The following DOCK1 variants were observed in gnomAD, a reference collection of about 807,000 sequenced individuals.
DOCK1 encodes dedicator of cytokinesis protein 1.
Under a neutral mutation model 262.7 loss-of-function variants are expected in DOCK1, and 138 were observed. The ratio of observed to expected loss-of-function variants is 0.53; its 90% CI spans 0.46 to 0.61. The LOEUF (loss-of-function observed/expected upper bound fraction) is 0.61, where lower values mean the gene tolerates loss of function less well. DOCK1 is among the 20% of genes least tolerant of loss of function. DOCK1 has a pLI of 0.00. For missense variants in DOCK1, 1,908 were observed against 2,370.7 expected (o/e 0.80, Z 4.05); for synonymous variants, 866 against 867.4 (o/e 1.00, Z 0.03).
intron 27 of DOCK1, among the ~76,000 whole-genome samples, chr10:127,213,888 G>A (rs1193601759): frequency 6.6e-6 from 1 of 152,164 alleles, no homozygotes; most frequent in Non-Finnish European, 1.5e-5. Flanking sequence ...CGCCCAGGCT[G>A]GAGTGCAGTG....
chr10:127,022,182 C>T (rs1259751881), intron 13 of DOCK1, among the ~76,000 whole-genome samples: 1 of 151,936 alleles, frequency 6.6e-6, no homozygotes, highest in African/African-American at 2.4e-5. Context: ...TTAAAACAGA[C>T]AGGTCTGTTT....
At chr10:126,959,601 G>C (rs2037032698) in intron 1 of DOCK1, among the ~76,000 whole-genome samples, 1 of 152,184 alleles carries the variant, frequency 6.6e-6, no homozygotes, top group Non-Finnish European at 1.5e-5. Flanking sequence ...GTGGGCCCTG[G>C]ATCAGAGCCA....
At chr10:127,048,998 A>G (rs2044528749) in intron 21 of DOCK1, among the ~76,000 whole-genome samples, 1 of 152,234 alleles carries the variant, frequency 6.6e-6, no homozygotes, top group East Asian at 1.9e-4. Context: ...TTGCGCTGGA[A>G]GTAGTAAAGC....
At chr10:127,300,070 C>T (rs1564974896) in intron 29 of DOCK1, among the ~76,000 whole-genome samples, 1 of 152,094 alleles carries the variant, frequency 6.6e-6, no homozygotes, top group Admixed American at 6.5e-5. Flanking sequence ...GCCAAGCAGA[C>T]CCAGCAAAGG....
chr10:126,956,788 C>T (rs908412783), intron 1 of DOCK1, among the ~76,000 whole-genome samples: 32 of 152,126 alleles, frequency 2.1e-4, no homozygotes, highest in Non-Finnish European at 7.3e-5. Context: ...GGTTTGGGAC[C>T]GAGTCCATGT....
At chr10:127,272,861 T>C (rs940276989) in intron 29 of DOCK1, among the ~76,000 whole-genome samples, 1 of 152,222 alleles carries the variant, frequency 6.6e-6, no homozygotes, top group Non-Finnish European at 1.5e-5. Flanking sequence ...CTCTTCTTTT[T>C]AAAACCCTCA....
chr10:127,210,894 G>T (rs2057944294), intron 27 of DOCK1, among the ~76,000 whole-genome samples: 1 of 152,190 alleles, frequency 6.6e-6, no homozygotes, highest in South Asian at 2.1e-4. Context: ...GTGACACGTG[G>T]CGTAATGACT....
At chr10:127,106,379 C>T in intron 24 of DOCK1, 78 bp downstream of exon 24, 4 of 1,476,144 alleles carry the variant, frequency 2.7e-6, no homozygotes, top group Admixed American at 4.0e-5. Context: ...TTATGGGATG[C>T]TCAGGGTTCT....
At chr10:127,341,902 C>T (rs1485872713) in intron 30 of DOCK1, among the ~76,000 whole-genome samples, 6 of 152,188 alleles carry the variant, frequency 3.9e-5, no homozygotes, top group Non-Finnish European at 8.8e-5. Context: ...ATCTAGCATA[C>T]GACCCATGTC....
rs114693537 is a variant in DOCK1, at chr10:127,213,296, T to C, written c.2848-34712T>C. Among the ~76,000 whole-genome samples, 196 of 152,254 alleles carry C rather than the reference T, an allele frequency of 1.3e-3. 2 individuals are homozygous for C. The highest frequency in any genetic ancestry group is 4.5e-3 in the African/African-American group (188 of 41,546). On this transcript the variant is annotated intron_variant, in intron 27 of 51. Coordinates refer to ENST00000623213, the MANE Select transcript of DOCK1 (RefSeq NM_001290223.2). ...GATGCTAGAGACAGAAAGAACAAGATGGGTAGTTTTTCTTTTTATTCAAAG... is the reference window on the plus strand; with the variant it reads ...GATGCTAGAGACAGAAAGAACAAGACGGGTAGTTTTTCTTTTTATTCAAAG...
chr10:127,362,863 C>CACACA (rs1565026556), intron 33 of DOCK1, among the ~76,000 whole-genome samples: 1 of 64,952 alleles, frequency 1.5e-5, no homozygotes, highest in African/African-American at 7.9e-5. Context: ...ATGTACATCC[C>CACACA]CACACACACA....
At chr10:127,372,768 G>A (rs2065275878) in intron 33 of DOCK1, among the ~76,000 whole-genome samples, 1 of 152,184 alleles carries the variant, frequency 6.6e-6, no homozygotes, top group Admixed American at 6.5e-5. Flanking sequence ...CATGCCCATG[G>A]CGTACTTGCT....
intron 44 of DOCK1, among the ~76,000 whole-genome samples, chr10:127,417,221 C>A (rs964071380): frequency 3.3e-5 from 5 of 152,196 alleles, no homozygotes; most frequent in African/African-American, 1.2e-4. Context: ...TGAGGTCACC[C>A]TGGGACATGG....
At chr10:127,147,837 C>G (rs2052043609) in intron 27 of DOCK1, among the ~76,000 whole-genome samples, 1 of 151,546 alleles carries the variant, frequency 6.6e-6, no homozygotes, top group Non-Finnish European at 1.5e-5. Context: ...TTGAGAACAG[C>G]CTGGCCAATA....
chr10:127,240,057 C>A (rs2059210139), intron 27 of DOCK1, among the ~76,000 whole-genome samples: 1 of 152,068 alleles, frequency 6.6e-6, no homozygotes, highest in Non-Finnish European at 1.5e-5. Flanking sequence ...ACATCTTCTG[C>A]AATTACTGCC....
intron 25 of DOCK1, among the ~76,000 whole-genome samples, chr10:127,116,352 A>C (rs558284295): frequency 6.6e-6 from 1 of 152,250 alleles, no homozygotes; most frequent in East Asian, 1.9e-4. Context: ...AAGGTGAATG[A>C]TTCTTCTAGT....
intron 1 of DOCK1, among the ~76,000 whole-genome samples, chr10:126,943,975 G>A (rs2035206916): frequency 6.6e-6 from 1 of 152,088 alleles, no homozygotes; most frequent in South Asian, 2.1e-4. Flanking sequence ...GTTCAGAGTG[G>A]ATGATTCTTG....
intron 23 of DOCK1, among the ~76,000 whole-genome samples, chr10:127,089,614 C>T (rs1292004932): frequency 1.3e-5 from 2 of 152,228 alleles, no homozygotes; most frequent in Non-Finnish European, 2.9e-5. Context: ...CCCACTGCCC[C>T]TGGCCAAGTC....
intron 27 of DOCK1, among the ~76,000 whole-genome samples, chr10:127,162,229 C>T (rs2053651224): frequency 3.3e-5 from 5 of 152,194 alleles, no homozygotes; most frequent in Admixed American, 3.3e-4. Context: ...CTTTTTCAGA[C>T]ACCCGTGTAA....
Sources: gnomAD v4.1 joint callset for allele counts (sites outside exome capture counted in the v4.1 genomes callset) on GRCh38, gnomAD v4.1.1 for gene constraint, MANE v1.5 for transcripts, NCBI Gene and HGNC (gene_info 2026-07-23, HGNC 2026-07-21) for gene names.